The following FDXACB1 variants were observed in gnomAD, a reference collection of about 807,000 sequenced individuals.
The protein encoded by FDXACB1 is ferredoxin-fold anticodon binding domain containing 1.
A neutral mutation model predicts 51.7 loss-of-function variants in FDXACB1; 41 were observed. That is an observed-to-expected ratio of 0.79 (90% confidence interval 0.62 to 1.03). FDXACB1 has a LOEUF of 1.03. FDXACB1 is among the 50% of genes least tolerant of loss of function. The probability of loss-of-function intolerance (pLI) is 0.00; values close to 1 mark genes in which losing one functional copy is unlikely to be tolerated. For missense variants in FDXACB1, 697 were observed against 746.4 expected (o/e 0.93, Z 0.77); for synonymous variants, 273 against 278.6 (o/e 0.98, Z 0.20).
chr11:111,878,979 G>A lies in FDXACB1; in HGVS notation c.154C>T (p.Gln52Ter). 6.2e-7 allele frequency: 1 copy of A among 1,606,130 alleles called. No homozygotes were observed. The change falls in exon 1 of 5, where the codon CAG (glutamine) becomes TAG (stop). Residue 52 changes from glutamine to a stop codon, truncating the protein, a stop_gained. Transcript: ENST00000260257. LOFTEE classifies it high-confidence loss of function. ...ARDPLAWENL[Q>*]CLRERGIDVR... ...TCGCTACCTCGCTCGCGCAGGCACT[G>A]CAGATTCTCCCAGGCCAGTGGATCC...
At position 111,875,962 on chromosome 11, in the gene FDXACB1, A is replaced by G. The variant is rs1555162083; in HGVS notation, c.835T>C (p.Phe279Leu). 6.2e-7 allele frequency: 1 copy of G among 1,613,988 alleles called. No individual in the cohort carries two copies. Among genetic ancestry groups the G allele is most frequent in the Admixed American group, 1.7e-5 (1 of 60,026 alleles). ...GCTGACAGAAAGTCACAATTCCAGA[A>G]AGGAAGAACACTGGTACCTTCCTGT... is the stretch of plus-strand genomic sequence containing the variant. ...LPQEGTSVLPFWNCDFLSAAF... is the reference protein window; with the variant it reads ...LPQEGTSVLPLWNCDFLSAAF... Residue 279 changes from phenylalanine (F) to leucine (L), a missense_variant, in exon 5 of 5, where the codon TTC (phenylalanine) becomes CTC (leucine). Phe to Leu is a conservative substitution (Grantham distance 22). This residue lies in a region of FDXACB1 where 538 missense variants were observed against 592.2 expected (regional missense o/e 0.91). Coordinates refer to ENST00000260257, the MANE Select transcript of FDXACB1 (RefSeq NM_138378.3).
At chr11:111,878,517 T>A (rs782233074) in intron 2 of FDXACB1, 39 bp downstream of exon 2, 26 of 1,537,276 alleles carry the variant, frequency 1.7e-5, no homozygotes, top group Non-Finnish European at 2.3e-5. Flanking sequence ...GTTATGGACA[T>A]CTTAAACATT....
At position 111,875,052 on chromosome 11, in the gene FDXACB1, T is replaced by G. The variant is rs976281671; in HGVS notation, c.1745A>C (p.Gln582Pro). Residue 582 changes from glutamine to proline, a missense_variant, in exon 5 of 5, where the codon CAA (glutamine) becomes CCA (proline). Gln to Pro is a moderately conservative substitution (Grantham distance 76, BLOSUM62 -1). Coordinates refer to ENST00000260257, the MANE Select transcript of FDXACB1 (RefSeq NM_138378.3). ...CAATCTATAGCAGAGACTGACCTGT[T>G]GAGTCTTTGGATGCTGGAAACGGCT... ...FLSRFQHPKT[Q>P]QVSLCYRLTY... 6.2e-7 allele frequency: 1 copy of G among 1,614,004 alleles called. No homozygotes were observed. The highest frequency in any genetic ancestry group is 1.1e-5 in the South Asian group (1 of 91,088).
chr11:111,878,891 G>A, intron 1 of FDXACB1, 70 bp downstream of exon 1: 4 of 1,541,688 alleles, frequency 2.6e-6, no homozygotes, highest in Non-Finnish European at 3.5e-6. Context: ...ACATCCCCAC[G>A]CCCCCACCCT....
At chr11:111,876,718 G>T in intron 3 of FDXACB1, 79 bp from the exon 4 acceptor site, 1 of 1,582,980 alleles carries the variant, frequency 6.3e-7, no homozygotes, top group Non-Finnish European at 8.6e-7. Flanking sequence ...CAATTAATTG[G>T]CAGGGCCTAT....
At position 111,876,214 on chromosome 11, in the gene FDXACB1, T is replaced by G. The variant is rs981762762; in HGVS notation, c.693-110A>C. On this transcript the variant is annotated intron_variant, in intron 4 of 4. Coordinates refer to ENST00000260257, the MANE Select transcript of FDXACB1 (RefSeq NM_138378.3). ...TGGACAGAAAAGAATTATCTTTAAA[T>G]TGATCTTGAAAGGAAACAAAGAAAT... The G allele has an allele frequency of 1.7e-5, 18 of 1,058,990 alleles. No individual in the cohort carries two copies. In the East Asian group the frequency reaches 3.4e-4, roughly 20 times the overall value. The allele number at this position is 1,058,990 out of a possible 1,614,324, so 65.6% of individuals were successfully genotyped here.
chr11:111,875,930 A>AAAAGCAGC lies in FDXACB1; in HGVS notation c.859_866dup (p.Phe289LeufsTer18). 1 of 1,613,976 alleles carries AAAAGCAGC rather than the reference A, an allele frequency of 6.2e-7. No individual in the cohort carries two copies. Among genetic ancestry groups the AAAAGCAGC allele is most frequent in the African/African-American group, 1.3e-5 (1 of 75,046 alleles). Reference sequence around the variant, plus strand: ...AGTTATCTTCATGGAGACTAATCCAAAAAGCAGCTGACAGAAAGTCACAAT... The same window carrying AAAAGCAGC: ...AGTTATCTTCATGGAGACTAATCCAAAAAGCAGCAAAGCAGCTGACAGAAAGTCACAAT... On this transcript the variant is annotated frameshift_variant, in exon 5 of 5. Transcript: ENST00000260257. LOFTEE classifies it high-confidence loss of function.
At position 111,874,594 on chromosome 11, in the gene FDXACB1, C is replaced by CAAAA; in HGVS notation, c.*324_*327dup. 3.1e-5 allele frequency: 6 copies of CAAAA among 191,448 alleles called. No individual in the cohort carries two copies. The highest frequency in any genetic ancestry group is 5.5e-5 in the Admixed American group (1 of 18,056). 11.9% of individuals were successfully genotyped at this position (191,448 alleles called of 1,614,324 possible). A position where few individuals can be genotyped will look rare whatever the true frequency, so the allele number is the denominator to read the frequency against. On this transcript the variant is annotated 3_prime_UTR_variant, in exon 5 of 5. Coordinates refer to ENST00000260257, the MANE Select transcript of FDXACB1 (RefSeq NM_138378.3). ...TGAAACCTCGTCTCTACTAAAAATA[C>CAAAA]AAAAAAAAAAATTAGCCAGGCGTGG...
rs376903298 is a variant in FDXACB1, at chr11:111,875,940, G to A, written c.857C>T (p.Ser286Leu). Residue 286 changes from serine to leucine, a missense_variant, in exon 5 of 5, where the codon TCA becomes TTA. Coordinates refer to ENST00000260257, the MANE Select transcript of FDXACB1 (RefSeq NM_138378.3). ...ATGGAGACTAATCCAAAAAGCAGCT[G>A]ACAGAAAGTCACAATTCCAGAAAGG... ...VLPFWNCDFL[S>L]AAFWISLHED... 1.4e-5 allele frequency: 22 copies of A among 1,613,958 alleles called. No individual in the cohort carries two copies. The African/African-American group carries it at 2.8e-4, about 21-fold the overall frequency.
intron 2 of FDXACB1, 131 bp downstream of exon 2, chr11:111,878,425 G>A (rs2137348900): frequency 1.1e-6 from 1 of 950,914 alleles, no homozygotes; most frequent in Non-Finnish European, 1.5e-6. Flanking sequence ...CTAAACTTGG[G>A]GTTCCTTTGG....
Position 111,875,036 on chromosome 11 carries a change from G to C in FDXACB1, c.1761C>G (p.Cys587Trp), listed in dbSNP as rs1423906955. ...CACAGGTCTGGTAGGTCAATCTATA[G>C]CAGAGACTGACCTGTTGAGTCTTTG... The part of the protein sequence containing the change: ...QHPKTQQVSL[C>W]YRLTYQTCDK... Residue 587 changes from cysteine (C) to tryptophan (W), a missense_variant, in exon 5 of 5, where the codon TGC becomes TGG. Cys to Trp is a radical substitution (Grantham distance 215). Around this residue, in one of 3 missense-constraint regions of FDXACB1, gnomAD observed 538 missense variants for 592.2 expected, o/e 0.91. Transcript: ENST00000260257. 4 of 1,613,830 alleles carry C rather than the reference G, an allele frequency of 2.5e-6. No homozygotes were observed. Among genetic ancestry groups the C allele is most frequent in the African/African-American group, 1.3e-5 (1 of 74,894 alleles).
intron 4 of FDXACB1, 37 bp from the exon 5 acceptor site, chr11:111,876,141 A>C: frequency 2.1e-6 from 3 of 1,452,252 alleles, no homozygotes; most frequent in Admixed American, 2.2e-5. Context: ...TTTCTAACTT[A>C]AGATAGTAAA....
Position 111,878,652 on chromosome 11 carries a change from T to C in FDXACB1, c.233A>G (p.Glu78Gly). 6.2e-7 allele frequency: 1 copy of C among 1,610,398 alleles called. No individual in the cohort carries two copies. Among genetic ancestry groups the C allele is most frequent in the South Asian group, 1.1e-5 (1 of 90,166 alleles). Residue 78 changes from glutamate to glycine, a missense_variant, in exon 2 of 5, where the codon GAG becomes GGG. Glu to Gly is a moderately conservative substitution (Grantham distance 98). This residue lies in a region of FDXACB1 where 153 missense variants were observed against 133.5 expected (regional missense o/e 1.15). Transcript: ENST00000260257. ...GAAATAAATTTGATCAAATTCTCTC[T>C]CGTGCAGTTCAAAGACATCTGCCAG... is the stretch of plus-strand genomic sequence containing the variant. ...TQLADVFELH[E>G]REFDQIYFIF...
rs202170043 is a variant in FDXACB1 at position 111,876,876 on chromosome 11, C to T, written c.465G>A (p.Gly155=). ...WQVVAMAALG[G]LILSDVYPFS... is the part of the protein sequence containing the mutation. Reference sequence around the variant, plus strand: ...ATGGATACACGTCGCTTAAAATGAGCCCCCCCAGGGCTGCCATGGCAACCA... The same window carrying T: ...ATGGATACACGTCGCTTAAAATGAGTCCCCCCAGGGCTGCCATGGCAACCA... The change falls in exon 3 of 5, where the codon GGG becomes GGA. Residue 155 remains glycine (G), a synonymous_variant. Coordinates refer to ENST00000260257, the MANE Select transcript of FDXACB1 (RefSeq NM_138378.3). 555 of 1,613,480 alleles carry T rather than the reference C, an allele frequency of 3.4e-4. No individual in the cohort carries two copies. The highest frequency in any genetic ancestry group is 2.6e-3 in the Middle Eastern group (16 of 6,060).
rs1964791007 is a variant in FDXACB1, at chr11:111,875,424, C to A, written c.1373G>T (p.Ser458Ile). 6.2e-7 allele frequency: 1 copy of A among 1,613,420 alleles called. No individual in the cohort carries two copies. Among genetic ancestry groups the A allele is most frequent in the Non-Finnish European group, 8.5e-7 (1 of 1,179,836 alleles). Residue 458 changes from serine to isoleucine, a missense_variant, in exon 5 of 5, where the codon AGC (serine) becomes ATC (isoleucine). Transcript: ENST00000260257. The part of the protein sequence containing the change: ...YMIRVKTHNF[S>I]PDCTEDLIIG... ...AATTAGATCCTCAGTACAATCTGGG[C>A]TAAAATTATGAGTCTTCACACGAAT...
Position 111,875,432 on chromosome 11 carries a change from A to T in FDXACB1, c.1365T>A (p.His455Gln). The change falls in exon 5 of 5, where the codon CAT (histidine) becomes CAA (glutamine). Residue 455 changes from histidine to glutamine, a missense_variant. Transcript: ENST00000260257. The stretch of plus-strand genomic sequence containing the variant: ...CCTCAGTACAATCTGGGCTAAAATT[A>T]TGAGTCTTCACACGAATCATATAAT... Reference protein sequence around the residue: ...GKDYMIRVKTHNFSPDCTEDL... With the variant: ...GKDYMIRVKTQNFSPDCTEDL... 6.2e-7 allele frequency: 1 copy of T among 1,613,532 alleles called. No homozygotes were observed. The highest frequency in any genetic ancestry group is 8.5e-7 in the Non-Finnish European group (1 of 1,179,842).
At chr11:111,876,249 TA>T in intron 4 of FDXACB1, 145 bp from the exon 5 acceptor site, 1 of 923,224 alleles carries the variant, frequency 1.1e-6, no homozygotes, top group Non-Finnish European at 1.6e-6. Flanking sequence ...TCATCTACCA[TA>T]AGGAGAAACA....
intron 2 of FDXACB1, 66 bp from the exon 3 acceptor site, chr11:111,877,077 C>T: frequency 6.9e-7 from 1 of 1,446,840 alleles, no homozygotes; most frequent in Non-Finnish European, 9.4e-7. Context: ...CAGGAGTTGG[C>T]AACATACACA....
intron 4 of FDXACB1, 91 bp from the exon 5 acceptor site, chr11:111,876,195 G>A: frequency 9.0e-7 from 1 of 1,105,804 alleles, no homozygotes; most frequent in Non-Finnish European, 1.3e-6. Context: ...TAGCTGGACA[G>A]AAAAGAATTA....
Sources: gnomAD v4.1 joint callset for allele counts on GRCh38, gnomAD v4.1.1 for gene constraint, gnomAD v4.1.1 regional missense constraint, MANE v1.5 for transcripts, NCBI Gene and HGNC (gene_info 2026-07-23, HGNC 2026-07-21) for gene names.